Variants in BCAP29 observed in about 807,000 individuals in gnomAD.
BCAP29 encodes B-cell receptor-associated protein 29.
Under a neutral mutation model 31.8 loss-of-function variants are expected in BCAP29, and 34 were observed. The ratio of observed to expected loss-of-function variants is 1.07; its 90% CI spans 0.81 to 1.42. The LOEUF is 1.42. Among genes scored for constraint, BCAP29 ranks in the 40% most tolerant of loss-of-function variants. The pLI is 0.00. For missense variants in BCAP29, 314 were observed against 269.2 expected (o/e 1.17, Z -1.16); for synonymous variants, 104 against 91.3 (o/e 1.14, Z -0.79).
intron 3 of BCAP29, among the ~76,000 whole-genome samples, chr7:107,590,833 AAAAG>A (rs71134269): frequency 1.4e-3 from 189 of 137,882 alleles, no homozygotes; most frequent in Middle Eastern, 0.011. Flanking sequence ...AAAAAAAAAA[AAAAG>A]AAAGAAAGAA....
At chr7:107,592,448 G>T (rs559798171) in intron 3 of BCAP29, among the ~76,000 whole-genome samples, 2 of 152,194 alleles carry the variant, frequency 1.3e-5, no homozygotes, top group Non-Finnish European at 2.9e-5. Context: ...TGTTGCTGAG[G>T]ATATGGAGAA....
At chr7:107,610,230 C>T (rs1484548645) in intron 6 of BCAP29, among the ~76,000 whole-genome samples, 2 of 152,176 alleles carry the variant, frequency 1.3e-5, no homozygotes, top group African/African-American at 4.8e-5. Context: ...ATAACAGTCT[C>T]TTATTGAATC....
downstream of BCAP29, chr7:107,621,160 T>A (rs1442181958): frequency 6.5e-6 from 1 of 153,710 alleles, no homozygotes; most frequent in African/African-American, 2.4e-5. Context: ...CCAGCCCTGC[T>A]AACATGACAA....
chr7:107,584,784 G>A (rs193023706), intron 3 of BCAP29, among the ~76,000 whole-genome samples: 1 of 152,124 alleles, frequency 6.6e-6, no homozygotes, highest in East Asian at 1.9e-4. Context: ...TATAATATTA[G>A]GGAATTTTTG....
chr7:107,581,100 C>T (rs1806576241), intron 2 of BCAP29, among the ~76,000 whole-genome samples: 1 of 152,172 alleles, frequency 6.6e-6, no homozygotes, highest in African/African-American at 2.4e-5. Flanking sequence ...ACTTTTGATT[C>T]TGTTGATTAC....
Position 107,612,410 on chromosome 7 carries a change from TATATATATATATATATATATATA to T in BCAP29, c.590-921_590-899del, listed in dbSNP as rs1563141285. 1.2e-3 allele frequency among the ~76,000 whole-genome samples: 52 copies of T among 43,290 alleles called. 2 individuals are homozygous for T. Among genetic ancestry groups the T allele is most frequent in the African/African-American group, 2.4e-3 (52 of 22,118 alleles). The allele number at this position is 43,290 out of a possible 152,430, so 28.4% of individuals were successfully genotyped here. On this transcript the variant is annotated intron_variant, in intron 6 of 7. Coordinates refer to ENST00000005259, the MANE Select transcript of BCAP29 (RefSeq NM_018844.4). ...ATTGTTTTATATATATATATATATATATATATATATATATATATATATATATATATTTATTTTACTTCTATCTA... is the reference window on the plus strand; with the variant it reads ...ATTGTTTTATATATATATATATATATTATATATTTATTTTACTTCTATCTA...
intron 5 of BCAP29, among the ~76,000 whole-genome samples, chr7:107,599,284 TTTATATATAAA>T (rs1270532072): frequency 1.5e-4 from 3 of 19,960 alleles, no homozygotes; most frequent in Non-Finnish European, 2.8e-4. Context: ...ATATATAATT[TTTATATATAAA>T]TTATATATAA....
chr7:107,619,131 G>A lies in BCAP29; in HGVS notation c.*768G>A, dbSNP rs957001872. On this transcript the variant is annotated 3_prime_UTR_variant, in exon 8 of 8. Coordinates refer to ENST00000005259, the MANE Select transcript of BCAP29 (RefSeq NM_018844.4). ...AGTGTAGAATTCTTGAAAAGTTAAC[G>A]TAGAAAATATCCAAAAAGCAGTATT... 3 of 152,360 alleles carry A rather than the reference G, an allele frequency of 2.0e-5. No individual in the cohort carries two copies. The highest frequency in any genetic ancestry group is 6.6e-5 in the Admixed American group (1 of 15,248). 9.4% of individuals were successfully genotyped at this position (152,360 alleles called of 1,614,324 possible). A position where few individuals can be genotyped will look rare whatever the true frequency, so the allele number is the denominator to read the frequency against.
chr7:107,621,077 T>C (rs555178692), downstream of BCAP29: 1 of 152,850 alleles, frequency 6.5e-6, no homozygotes, highest in South Asian at 2.1e-4. Flanking sequence ...GCTGGTTCAG[T>C]TCTGCATTCC....
Position 107,584,601 on chromosome 7 carries a change from G to A in BCAP29, c.193+619G>A, listed in dbSNP as rs986713406. Among the ~76,000 whole-genome samples, 11 of 152,088 alleles carry A rather than the reference G, an allele frequency of 7.2e-5. 1 individual carries two copies. In the South Asian group the frequency reaches 2.1e-3, roughly 29 times the overall value. On this transcript the variant is annotated intron_variant, in intron 3 of 7. Transcript: ENST00000005259. ...TGTGCACCCATAGTCCCAGCTACTC[G>A]GGAGGCTGAGAGACTGGAGGATTGC...
chr7:107,600,453 A>G lies in BCAP29; in HGVS notation c.537A>G (p.Lys179=), dbSNP rs374387001. 2 of 1,611,584 alleles carry G rather than the reference A, an allele frequency of 1.2e-6. No homozygotes were observed. The highest frequency in any genetic ancestry group is 1.7e-5 in the Admixed American group (1 of 59,948). The change falls in exon 6 of 8, where the codon AAA becomes AAG. Residue 179 remains lysine, a synonymous_variant. Transcript: ENST00000005259. ...GTGTTTTGGAAGCAGAAAATAAAAA[A>G]CTAGTAGAAGACCAGGAGAAACTGA... ...EECVLEAENK[K]LVEDQEKLKT... is the part of the protein sequence containing the mutation.
intron 6 of BCAP29, among the ~76,000 whole-genome samples, chr7:107,604,977 C>T (rs559364710): frequency 1.3e-5 from 2 of 152,224 alleles, no homozygotes; most frequent in South Asian, 2.1e-4. Flanking sequence ...ATTAGTTCAT[C>T]TCTGTGTTAT....
intron 4 of BCAP29, 168 bp downstream of exon 4, chr7:107,594,273 C>A: frequency 1.6e-6 from 1 of 608,156 alleles, no homozygotes; most frequent in Non-Finnish European, 2.8e-6. Flanking sequence ...ACTGTAACTT[C>A]AAACTCCTGG....
chr7:107,585,762 G>A (rs1173523015), intron 3 of BCAP29, among the ~76,000 whole-genome samples: 5 of 152,180 alleles, frequency 3.3e-5, no homozygotes, highest in African/African-American at 9.7e-5. Context: ...GACCAAGGCA[G>A]GTGGATCAAC....
chr7:107,621,707 G>T (rs549206694), downstream of BCAP29: 1 of 472,094 alleles, frequency 2.1e-6, no homozygotes, highest in Admixed American at 2.3e-5. Context: ...TGATGGAGCC[G>T]CAGCAAAGGA....
Position 107,583,983 on chromosome 7 carries a change from G to T in BCAP29, c.193+1G>T. The stretch of plus-strand genomic sequence containing the variant: ...ATCCTATTGATTGTTCTATTTCTAG[G>T]TAAGTACTAGATCCCTTCTTTGAAT... On this transcript the variant is annotated splice_donor_variant, in intron 3 of 7. Coordinates refer to ENST00000005259, the MANE Select transcript of BCAP29 (RefSeq NM_018844.4). LOFTEE classifies it high-confidence loss of function. 2 of 1,479,378 alleles carry T rather than the reference G, an allele frequency of 1.4e-6. No individual in the cohort carries two copies. The highest frequency in any genetic ancestry group is 1.3e-5 in the South Asian group (1 of 78,658). 91.6% of individuals were successfully genotyped at this position (1,479,378 alleles called of 1,614,324 possible).
At chr7:107,599,293 A>ATTTATATAT (rs1299224433) in intron 5 of BCAP29, among the ~76,000 whole-genome samples, 13 of 42,162 alleles carry the variant, frequency 3.1e-4, no homozygotes, top group African/African-American at 1.1e-3. Flanking sequence ...TTTTATATAT[A>ATTTATATAT]AATTATATAT....
intron 6 of BCAP29, among the ~76,000 whole-genome samples, chr7:107,602,964 C>CTTTTTTTTT (rs34887499): frequency 1.0e-3 from 69 of 68,294 alleles, no homozygotes; most frequent in African/African-American, 1.2e-3. Flanking sequence ...TTCTTTTATT[C>CTTTTTTTTT]TTTTTTTTTT....
At chr7:107,584,231 A>G (rs2129211336) in intron 3 of BCAP29, among the ~76,000 whole-genome samples, 1 of 152,344 alleles carries the variant, frequency 6.6e-6, no homozygotes. Context: ...TAAATGCTGT[A>G]TATTAATGCA....
Sources: allele counts gnomAD v4.1 joint callset (sites outside exome capture counted in the v4.1 genomes callset), GRCh38; gene constraint gnomAD v4.1.1; transcripts MANE v1.5; gene names NCBI Gene and HGNC (gene_info 2026-07-23, HGNC 2026-07-21).